Variants in HOOK3 observed in about 807,000 individuals in gnomAD.
HOOK3 encodes the protein hook microtubule tethering protein 3.
In HOOK3, 24 loss-of-function variants were observed where a neutral mutation model predicts 116.3. The observed-to-expected ratio is 0.21, with a 90% confidence interval of 0.15 to 0.29. The LOEUF (loss-of-function observed/expected upper bound fraction) is 0.29, where lower values mean the gene tolerates loss of function less well. HOOK3 is among the 10% of genes least tolerant of loss of function. The probability of loss-of-function intolerance (pLI) is 1.00; values close to 1 mark genes in which losing one functional copy is unlikely to be tolerated. For synonymous variants in HOOK3, 275 were observed against 283.0 expected (o/e 0.97, Z 0.28); for missense variants, 632 against 830.2 (o/e 0.76, Z 2.93).
intron 7 of HOOK3, among the ~76,000 whole-genome samples, chr8:42,958,582 AAC>A (rs1460015034): frequency 2.0e-5 from 3 of 149,116 alleles, no homozygotes; most frequent in South Asian, 2.1e-4. Flanking sequence ...CTATTTTCAC[AAC>A]AGTTTTTGAT....
intron 4 of HOOK3, among the ~76,000 whole-genome samples, chr8:42,930,745 CAGTA>C (rs1807857436): frequency 6.6e-6 from 1 of 152,184 alleles, no homozygotes; most frequent in Non-Finnish European, 1.5e-5. Context: ...TTCCCCATCT[CAGTA>C]AGTGACCCTA....
At chr8:43,004,558 G>A (rs756110890) in intron 17 of HOOK3, among the ~76,000 whole-genome samples, 4 of 150,792 alleles carry the variant, frequency 2.7e-5, no homozygotes, top group Non-Finnish European at 4.4e-5. Flanking sequence ...GCGCATGCCT[G>A]TAATCCCAGC....
chr8:42,934,857 T>G (rs1807936912), intron 4 of HOOK3, among the ~76,000 whole-genome samples: 1 of 152,218 alleles, frequency 6.6e-6, no homozygotes, highest in Admixed American at 6.5e-5. Flanking sequence ...TAAACATGTG[T>G]GCATGTGTCT....
chr8:43,000,241 C>T (rs766886781), intron 16 of HOOK3: 13 of 1,277,494 alleles, frequency 1.0e-5, no homozygotes, highest in Admixed American at 4.6e-5. Flanking sequence ...AATTTGTCCT[C>T]TCTGTCTCTT....
At chr8:42,933,261 A>G (rs1807905086) in intron 4 of HOOK3, among the ~76,000 whole-genome samples, 1 of 152,224 alleles carries the variant, frequency 6.6e-6, no homozygotes, top group African/African-American at 2.4e-5. Flanking sequence ...GCCATATGAT[A>G]CCAGTTTTAC....
chr8:42,972,378 T>C (rs560539379), intron 11 of HOOK3, among the ~76,000 whole-genome samples: 1 of 152,312 alleles, frequency 6.6e-6, no homozygotes, highest in South Asian at 2.1e-4. Context: ...ATTAACAGGC[T>C]GTCATTACAA....
intron 21 of HOOK3, among the ~76,000 whole-genome samples, chr8:43,016,909 C>T (rs1809727429): frequency 6.6e-6 from 1 of 152,132 alleles, no homozygotes; most frequent in East Asian, 1.9e-4. Context: ...CGCATGGGCT[C>T]ACGCCTGTAA....
intron 21 of HOOK3, among the ~76,000 whole-genome samples, chr8:43,013,680 G>A (rs1193898752): frequency 2.0e-5 from 3 of 152,158 alleles, no homozygotes; most frequent in African/African-American, 7.2e-5. Context: ...TAAGAGAAGG[G>A]ACATTAATAC....
chr8:43,014,479 G>A (rs1476369738), intron 21 of HOOK3, among the ~76,000 whole-genome samples: 1 of 151,794 alleles, frequency 6.6e-6, no homozygotes, highest in Non-Finnish European at 1.5e-5. Context: ...AGCCTTCCAA[G>A]TAGCTGGGAC....
chr8:42,981,008 C>T (rs1808929951), intron 13 of HOOK3, among the ~76,000 whole-genome samples: 1 of 152,022 alleles, frequency 6.6e-6, no homozygotes, highest in Non-Finnish European at 1.5e-5. Context: ...ACCAGATGTG[C>T]CCCTTCAGTC....
Position 43,028,744 on chromosome 8 carries a change from A to G in HOOK3, c.*10246A>G, listed in dbSNP as rs1186097449. On this transcript the variant is annotated 3_prime_UTR_variant, in exon 22 of 22. Transcript: ENST00000307602. ...GCTTAACATAACTAAATGGATCTAT[A>G]GTAACATGTCTAAATTTTTTAATGG... 5.1e-6 allele frequency: 1 copy of G among 197,674 alleles called. No homozygotes were observed. The highest frequency in any genetic ancestry group is 7.9e-5 in the East Asian group (1 of 12,638). 12.2% of individuals were successfully genotyped at this position (197,674 alleles called of 1,614,324 possible).
intron 16 of HOOK3, among the ~76,000 whole-genome samples, chr8:42,999,541 G>A (rs1164069310): frequency 6.6e-6 from 1 of 152,048 alleles, no homozygotes; most frequent in Non-Finnish European, 1.5e-5. Context: ...TTAAAGTGTT[G>A]CATCTCGGGA....
Position 42,976,062 on chromosome 8 carries a change from G to GTGTGTA in HOOK3, c.1321+1869_1321+1870insGTGTAT, listed in dbSNP as rs532574715. Among the ~76,000 whole-genome samples, 12 of 150,264 alleles carry GTGTGTA rather than the reference G, an allele frequency of 8.0e-5. No individual in the cohort carries two copies. In the South Asian group the frequency reaches 1.0e-3, roughly 13 times the overall value. ...TATATGTGTGTGTGTGTGTGTGTGT[G>GTGTGTA]TATATATATGTATATATATTTTTTA... On this transcript the variant is annotated intron_variant, in intron 13 of 21. Coordinates refer to ENST00000307602, the MANE Select transcript of HOOK3 (RefSeq NM_032410.4).
chr8:42,956,179 GGAA>G (rs1419528809), intron 6 of HOOK3, among the ~76,000 whole-genome samples: 1 of 151,226 alleles, frequency 6.6e-6, no homozygotes, highest in African/African-American at 2.4e-5. Context: ...CCAGAGATCC[GGAA>G]GATCTCTGGA....
chr8:42,919,952 G>T (rs895083018), intron 2 of HOOK3, among the ~76,000 whole-genome samples: 3 of 150,170 alleles, frequency 2.0e-5, no homozygotes, highest in Non-Finnish European at 4.5e-5. Flanking sequence ...AGAGGGAGAG[G>T]GTTTTTTTTT....
At chr8:42,943,251 GTTTTTTT>G (rs373167898) in intron 4 of HOOK3, 55 bp from the exon 5 acceptor site, 1 of 785,452 alleles carries the variant, frequency 1.3e-6, no homozygotes. Flanking sequence ...CCTCGATCAA[GTTTTTTT>G]TTTTTTTGGT....
intron 1 of HOOK3, among the ~76,000 whole-genome samples, chr8:42,905,094 A>G (rs1485320743): frequency 6.6e-6 from 1 of 152,206 alleles, no homozygotes; most frequent in Non-Finnish European, 1.5e-5. Flanking sequence ...GTTTCAGAAT[A>G]TATTTGAAAT....
intron 4 of HOOK3, among the ~76,000 whole-genome samples, chr8:42,940,133 G>C (rs565133791): frequency 2.6e-5 from 4 of 152,224 alleles, no homozygotes; most frequent in Non-Finnish European, 5.9e-5. Context: ...AAGGCAGGCC[G>C]CCGGGAGGTG....
In HOOK3 at chr8:42,974,203, G is replaced by A. The variant is rs1296135933; in HGVS notation, c.1321+9G>A. On this transcript the variant is annotated intron_variant, in intron 13 of 21. Coordinates refer to ENST00000307602, the MANE Select transcript of HOOK3 (RefSeq NM_032410.4). ...GCAGCTCACAACACAAGGTAAAAAC[G>A]TTTTGCGAGTACAAACCAGATGATT... 5.0e-6 allele frequency: 8 copies of A among 1,592,998 alleles called. No homozygotes were observed. Among genetic ancestry groups the A allele is most frequent in the Middle Eastern group, 1.7e-4 (1 of 6,022 alleles).
Sources: gnomAD v4.1 joint callset for allele counts (sites outside exome capture counted in the v4.1 genomes callset) on GRCh38, gnomAD v4.1.1 for gene constraint, MANE v1.5 for transcripts, NCBI Gene and HGNC (gene_info 2026-07-23, HGNC 2026-07-21) for gene names.